The following ADAMTS12 variants were observed in gnomAD, a reference collection of about 807,000 sequenced individuals.
ADAMTS12 encodes the protein A disintegrin and metalloproteinase with thrombospondin motifs 12.
In ADAMTS12, 118 loss-of-function variants were observed where a neutral mutation model predicts 167.8. That is an observed-to-expected ratio of 0.70 (90% confidence interval 0.61 to 0.82). The LOEUF (loss-of-function observed/expected upper bound fraction) is 0.82. ADAMTS12 is among the 40% of genes least tolerant of loss of function. The pLI, the probability that ADAMTS12 is intolerant of heterozygous loss-of-function variation, is 0.00. For missense variants in ADAMTS12, 1,916 were observed against 1,998.8 expected (o/e 0.96, Z 0.79); for synonymous variants, 704 against 716.9 (o/e 0.98, Z 0.29).
At chr5:33,857,403 AT>A (rs1271932274) in intron 2 of ADAMTS12, among the ~76,000 whole-genome samples, 1 of 151,144 alleles carries the variant, frequency 6.6e-6, no homozygotes, top group East Asian at 1.9e-4. Flanking sequence ...AAGAGGGTAG[AT>A]TTTAAGTGCT....
rs533722725 is a variant in ADAMTS12, at chr5:33,788,835, T to C, written c.490-37287A>G. On this transcript the variant is annotated intron_variant, in intron 2 of 23. Transcript: ENST00000504830. ...TTCACCTTTGTTCTTCCCATAACTC[T>C]GTAAAAAGGGGCTGGGCAGGTATCC... Among the ~76,000 whole-genome samples the C allele has an allele frequency of 7.0e-4, 107 of 152,320 alleles. 1 individual carries two copies. The highest frequency in any genetic ancestry group is 2.5e-3 in the African/African-American group (102 of 41,574).
chr5:33,848,216 A>T (rs1749019736), intron 2 of ADAMTS12, among the ~76,000 whole-genome samples: 1 of 139,506 alleles, frequency 7.2e-6, no homozygotes, highest in Non-Finnish European at 1.6e-5. Flanking sequence ...GACTCTGTTT[A>T]AAAAAAAAAA....
At chr5:33,789,336 C>T (rs1746443100) in intron 2 of ADAMTS12, among the ~76,000 whole-genome samples, 2 of 152,176 alleles carry the variant, frequency 1.3e-5, no homozygotes, top group Non-Finnish European at 2.9e-5. Context: ...AGATGCTGCC[C>T]ACACATGGCC....
chr5:33,805,402 A>AT (rs1282476563), intron 2 of ADAMTS12, among the ~76,000 whole-genome samples: 1 of 152,256 alleles, frequency 6.6e-6, no homozygotes, highest in Non-Finnish European at 1.5e-5. Context: ...GTTGAGCCGT[A>AT]TTCTCCATTG....
At position 33,648,891 on chromosome 5, in the gene ADAMTS12, C is replaced by T. The variant is rs1427621280; in HGVS notation, c.1410G>A (p.Val470=). ...GGCACTGGTGGTGAACATCATAGAT[C>T]ACTCCGGGGGCAATGACCTTGGACT... ...GLKSKVIAPG[V]IYDVHHQCQL... The change falls in exon 9 of 24, where the codon GTG becomes GTA. Residue 470 remains valine (V), a synonymous_variant. Coordinates refer to ENST00000504830, the MANE Select transcript of ADAMTS12 (RefSeq NM_030955.4). The T allele has an allele frequency of 6.2e-7, 1 of 1,613,928 alleles. No individual in the cohort carries two copies. The highest frequency in any genetic ancestry group is 8.5e-7 in the Non-Finnish European group (1 of 1,179,978).
At chr5:33,687,732 T>C (rs949521247) in intron 3 of ADAMTS12, among the ~76,000 whole-genome samples, 1 of 152,230 alleles carries the variant, frequency 6.6e-6, no homozygotes, top group African/African-American at 2.4e-5. Flanking sequence ...ACTGTATATA[T>C]GTGGGCTGAC....
Position 33,562,633 on chromosome 5 carries a change from A to G in ADAMTS12, c.3973-1454T>C, listed in dbSNP as rs1745802261. On this transcript the variant is annotated intron_variant, in intron 19 of 23. Transcript: ENST00000504830. ...CTTGCTGTAACTTCACTCTCCATAT[A>G]ATTTTTTTTTTTTTTTGGGATGGAG... 7.4e-5 allele frequency among the ~76,000 whole-genome samples: 11 copies of G among 149,040 alleles called. No homozygotes were observed. In the South Asian group the frequency reaches 2.4e-3, roughly 32 times the overall value.
intron 2 of ADAMTS12, among the ~76,000 whole-genome samples, chr5:33,803,835 T>C (rs1480161250): frequency 3.9e-5 from 6 of 152,074 alleles, no homozygotes; most frequent in Non-Finnish European, 8.8e-5. Flanking sequence ...AAGAACAGCA[T>C]GGGAAAAACC....
At chr5:33,786,280 C>T (rs1361156038) in intron 2 of ADAMTS12, among the ~76,000 whole-genome samples, 1 of 152,090 alleles carries the variant, frequency 6.6e-6, no homozygotes, top group Non-Finnish European at 1.5e-5. Context: ...CTGTGCACTA[C>T]AGTAAATGAA....
intron 19 of ADAMTS12, among the ~76,000 whole-genome samples, chr5:33,571,506 T>C (rs1215587621): frequency 6.6e-6 from 1 of 152,010 alleles, no homozygotes; most frequent in African/African-American, 2.4e-5. Flanking sequence ...ACTGGGTACA[T>C]AACGAAATGA....
At position 33,828,868 on chromosome 5, in the gene ADAMTS12, T is replaced by G. The variant is rs577005375; in HGVS notation, c.489+52251A>C. On this transcript the variant is annotated intron_variant, in intron 2 of 23. Transcript: ENST00000504830. ...AAAGGGAGGGCTCTGTCGCAGTAGA[T>G]TCTGCCCTGAACATCCTCTTTCGCC... Among the ~76,000 whole-genome samples the G allele has an allele frequency of 9.8e-5, 15 of 152,292 alleles. 1 individual carries two copies. Among genetic ancestry groups the G allele is most frequent in the Admixed American group, 3.3e-4 (5 of 15,278 alleles).
intron 2 of ADAMTS12, among the ~76,000 whole-genome samples, chr5:33,819,524 T>C (rs947645191): frequency 6.6e-6 from 1 of 152,198 alleles, no homozygotes; most frequent in African/African-American, 2.4e-5. Context: ...TTTGTTTATC[T>C]TTCTCGGTTT....
At chr5:33,528,959 C>T (rs755595580) in intron 23 of ADAMTS12, among the ~76,000 whole-genome samples, 4 of 152,092 alleles carry the variant, frequency 2.6e-5, no homozygotes, top group Admixed American at 6.6e-5. Flanking sequence ...GCAGGAGAAT[C>T]GCTTGAAACC....
chr5:33,622,483 G>A (rs1490711480), intron 14 of ADAMTS12, among the ~76,000 whole-genome samples: 4 of 152,012 alleles, frequency 2.6e-5, no homozygotes, highest in South Asian at 2.1e-4. Context: ...GTGAAACTCC[G>A]TCTCTACTAA....
chr5:33,565,954 A>T (rs1235998729), intron 19 of ADAMTS12, among the ~76,000 whole-genome samples: 1 of 152,212 alleles, frequency 6.6e-6, no homozygotes, highest in African/African-American at 2.4e-5. Flanking sequence ...TAATTAAAAC[A>T]CATTTAAATT....
intron 3 of ADAMTS12, among the ~76,000 whole-genome samples, chr5:33,744,427 T>C (rs4866384): frequency 0.71 from 107,624 of 152,010 alleles, 38,354 homozygotes; most frequent in Non-Finnish European, 0.75. Context: ...CAAGAGAATG[T>C]GCTCCCAAAA....
rs778658652 is a variant in ADAMTS12, at chr5:33,561,018, A to G, written c.4125+9T>C. The G allele has an allele frequency of 1.2e-6, 2 of 1,613,518 alleles. No individual in the cohort carries two copies. The highest frequency in any genetic ancestry group is 1.3e-5 in the African/African-American group (1 of 74,772). ...TACCTCCAAGACTCTGCCAAGCCTG[A>G]TAAGTTACCTTGCTCCAGTTTCCCA... On this transcript the variant is annotated intron_variant, in intron 20 of 23. Coordinates refer to ENST00000504830, the MANE Select transcript of ADAMTS12 (RefSeq NM_030955.4).
intron 3 of ADAMTS12, among the ~76,000 whole-genome samples, chr5:33,710,593 A>G (rs1743363033): frequency 6.6e-6 from 1 of 152,186 alleles, no homozygotes. Flanking sequence ...GGCCTCATGG[A>G]GCTTGGAATT....
intron 2 of ADAMTS12, among the ~76,000 whole-genome samples, chr5:33,844,310 C>T (rs542340283): frequency 1.3e-5 from 2 of 152,304 alleles, no homozygotes; most frequent in South Asian, 4.1e-4. Context: ...GCCGGTGAGC[C>T]AGGCGGAACA....
Sources: allele counts gnomAD v4.1 joint callset (sites outside exome capture counted in the v4.1 genomes callset), GRCh38; gene constraint gnomAD v4.1.1; transcripts MANE v1.5; gene names NCBI Gene and HGNC (gene_info 2026-07-23, HGNC 2026-07-21).